ACSL1: variants seen among roughly 807,000 people sequenced by gnomAD.
ACSL1 encodes acyl-CoA synthetase long chain family member 1.
ACSL1 carries 41 observed loss-of-function variants against 98.4 expected under a neutral mutation model. The ratio of observed to expected loss-of-function variants is 0.42; its 90% CI spans 0.32 to 0.54. The LOEUF is 0.54. Ranked by LOEUF, ACSL1 falls within the 20% of genes least tolerant of loss-of-function variation. ACSL1 has a pLI of 0.13. For synonymous variants in ACSL1, 316 were observed against 322.7 expected, an observed-to-expected ratio of 0.98 and a Z score of 0.22; for missense variants, 734 against 883.1, an observed-to-expected ratio of 0.83 and a Z score of 2.14.
intron 5 of ACSL1, 101 bp downstream of exon 5, chr4:184,780,231 T>C (rs1464183812): frequency 1.0e-6 from 1 of 995,906 alleles, no homozygotes; most frequent in Non-Finnish European, 1.5e-6. Context: ...GCTATACTTT[T>C]AGTAGAAATC....
chr4:184,794,056 G>T (rs185379529), intron 2 of ACSL1, among the ~76,000 whole-genome samples: 1 of 152,262 alleles, frequency 6.6e-6, no homozygotes, highest in East Asian at 1.9e-4. Context: ...AAAATGTCTG[G>T]CAATGTTCAA....
intron 1 of ACSL1, chr4:184,808,190 G>C: frequency 3.6e-6 from 2 of 548,072 alleles, no homozygotes; most frequent in Non-Finnish European, 2.3e-6. Context: ...CTCAGGGCCA[G>C]AGGTGACTCA....
chr4:184,768,597 T>C, intron 11 of ACSL1, 147 bp from the exon 12 acceptor site: 2 of 1,196,534 alleles, frequency 1.7e-6, no homozygotes, highest in Non-Finnish European at 2.3e-6. Flanking sequence ...TTAAAAAAAA[T>C]GTGCATTTAC....
chr4:184,770,742 C>A (rs893781431), intron 10 of ACSL1, among the ~76,000 whole-genome samples: 7 of 152,114 alleles, frequency 4.6e-5, no homozygotes, highest in Non-Finnish European at 7.4e-5. Context: ...TCCGAGTAAA[C>A]TTCCATTTTA....
intron 11 of ACSL1, 100 bp downstream of exon 11, chr4:184,770,299 T>G: frequency 6.4e-7 from 1 of 1,559,250 alleles, no homozygotes; most frequent in Non-Finnish European, 8.7e-7. Context: ...AAATATGAAA[T>G]GTGTGTGTCA....
intron 1 of ACSL1, among the ~76,000 whole-genome samples, chr4:184,810,051 T>C (rs1465210872): frequency 1.3e-5 from 2 of 152,214 alleles, no homozygotes; most frequent in African/African-American, 4.8e-5. Flanking sequence ...TTGAATGATA[T>C]TAGAACAGGA....
intron 1 of ACSL1, among the ~76,000 whole-genome samples, chr4:184,824,219 G>A (rs1773282316): frequency 6.6e-6 from 1 of 152,176 alleles, no homozygotes; most frequent in African/African-American, 2.4e-5. Context: ...TCTGCCTCCT[G>A]AGTTCAAGCG....
chr4:184,820,835 C>T (rs1165268258), intron 1 of ACSL1, among the ~76,000 whole-genome samples: 2 of 152,146 alleles, frequency 1.3e-5, no homozygotes, highest in Non-Finnish European at 2.9e-5. Context: ...CCCGCCTCGG[C>T]CTCCCAAAAT....
chr4:184,809,611 T>A lies in ACSL1; in HGVS notation c.-32-6065A>T, dbSNP rs112084173. The stretch of plus-strand genomic sequence containing the variant: ...ATCAAGACCATCCTGGCTAACACGG[T>A]GAAACTCCATCTCTACTAAAAATAC... On this transcript the variant is annotated intron_variant, in intron 1 of 20. Coordinates refer to ENST00000281455, the MANE Select transcript of ACSL1 (RefSeq NM_001995.5). Among the ~76,000 whole-genome samples the A allele has an allele frequency of 1.9e-3, 285 of 151,578 alleles. 2 individuals carry two copies. The highest frequency in any genetic ancestry group is 6.7e-3 in the African/African-American group (275 of 41,174).
chr4:184,781,993 C>T (rs543682115), intron 4 of ACSL1, among the ~76,000 whole-genome samples: 1 of 152,280 alleles, frequency 6.6e-6, no homozygotes, highest in East Asian at 1.9e-4. Flanking sequence ...GAAATAAGAC[C>T]ATACCTACTC....
Position 184,799,986 on chromosome 4 carries a change from C to T in ACSL1, c.195+3334G>A, listed in dbSNP as rs375189401. Among the ~76,000 whole-genome samples the T allele has an allele frequency of 9.5e-4, 144 of 152,298 alleles. 1 individual carries two copies. The highest frequency in any genetic ancestry group is 3.3e-3 in the African/African-American group (137 of 41,564). On this transcript the variant is annotated intron_variant, in intron 2 of 20. Coordinates refer to ENST00000281455, the MANE Select transcript of ACSL1 (RefSeq NM_001995.5). ...TCCCCAAAGCCCTAGTTATAATATACAACTTTCTACTACTATAATGAAGGC... is the reference window on the plus strand; with the variant it reads ...TCCCCAAAGCCCTAGTTATAATATATAACTTTCTACTACTATAATGAAGGC...
intron 1 of ACSL1, among the ~76,000 whole-genome samples, chr4:184,818,176 G>T (rs1418711134): frequency 6.6e-6 from 1 of 152,198 alleles, no homozygotes; most frequent in East Asian, 1.9e-4. Flanking sequence ...CGCAATGTAG[G>T]TAACTGTCCT....
At chr4:184,781,049 A>T (rs1766168958) in intron 4 of ACSL1, among the ~76,000 whole-genome samples, 1 of 152,060 alleles carries the variant, frequency 6.6e-6, no homozygotes, top group African/African-American at 2.4e-5. Flanking sequence ...AGCCTGGCCA[A>T]CATGGTAAAA....
intron 1 of ACSL1, among the ~76,000 whole-genome samples, chr4:184,808,812 G>A (rs922909299): frequency 3.9e-5 from 6 of 152,172 alleles, no homozygotes; most frequent in South Asian, 2.1e-4. Context: ...AGGGAGGTAC[G>A]GCAGCTCAAA....
At chr4:184,777,208 C>T (rs564064699) in intron 5 of ACSL1, among the ~76,000 whole-genome samples, 11 of 152,352 alleles carry the variant, frequency 7.2e-5, no homozygotes, top group Admixed American at 2.0e-4. Flanking sequence ...TGACTCACAC[C>T]AGTGATCCCA....
intron 11 of ACSL1, 52 bp from the exon 12 acceptor site, chr4:184,768,502 A>T (rs766423664): frequency 6.3e-7 from 1 of 1,575,508 alleles, no homozygotes; most frequent in Non-Finnish European, 8.6e-7. Flanking sequence ...CAGGGGTTAC[A>T]CAACATATGG....
intron 17 of ACSL1, among the ~76,000 whole-genome samples, chr4:184,761,035 G>A (rs924617944): frequency 6.6e-6 from 1 of 152,168 alleles, no homozygotes; most frequent in Admixed American, 6.5e-5. Context: ...TAGCATCTCT[G>A]GACCAGACCA....
In ACSL1 at chr4:184,803,315, C is replaced by A; in HGVS notation, c.195+5G>T. 6.4e-7 allele frequency: 1 copy of A among 1,567,380 alleles called. No individual in the cohort carries two copies. Among genetic ancestry groups the A allele is most frequent in the South Asian group, 1.2e-5 (1 of 85,080 alleles). Reference sequence around the variant, plus strand: ...CGCACGAGGCAGGCTGGGCCCTCCACTCACCGCCACTTCCACTGACTGCAT... The same window carrying A: ...CGCACGAGGCAGGCTGGGCCCTCCAATCACCGCCACTTCCACTGACTGCAT... On this transcript the variant is annotated splice_donor_5th_base_variant and intron_variant, in intron 2 of 20. Transcript: ENST00000281455. This position sits in a 1 kb window ranked among gnomAD's most constrained non-coding sequence, Gnocchi z 4.8.
At chr4:184,815,448 T>G (rs1227999011) in intron 1 of ACSL1, among the ~76,000 whole-genome samples, 4 of 152,000 alleles carry the variant, frequency 2.6e-5, no homozygotes, top group Non-Finnish European at 5.9e-5. Context: ...CAGTGGGTGT[T>G]TAGTTCACAG....
Sources: gnomAD v4.1 joint callset for allele counts (sites outside exome capture counted in the v4.1 genomes callset) on GRCh38, gnomAD v4.1.1 for gene constraint, Gnocchi (gnomAD v3.1) non-coding constraint, MANE v1.5 for transcripts, NCBI Gene and HGNC (gene_info 2026-07-23, HGNC 2026-07-21) for gene names.